The following EBF1 variants were observed in gnomAD, a reference collection of about 807,000 sequenced individuals.
EBF1 encodes the protein transcription factor COE1.
A neutral mutation model predicts 68.4 loss-of-function variants in EBF1; 10 were observed. The ratio of observed to expected loss-of-function variants is 0.15; its 90% CI spans 0.09 to 0.25. EBF1 has a LOEUF of 0.25. Ranked by LOEUF, EBF1 falls within the 10% of genes least tolerant of loss-of-function variation. The pLI is 1.00. For missense variants in EBF1, 509 were observed against 794.4 expected (o/e 0.64, Z 4.32); for synonymous variants, 298 against 299.8 (o/e 0.99, Z 0.06).
chr5:158,881,299 G>A (rs959718313), intron 6 of EBF1, among the ~76,000 whole-genome samples: 1 of 152,188 alleles, frequency 6.6e-6, no homozygotes, highest in Non-Finnish European at 1.5e-5. Flanking sequence ...GACTAAAGTA[G>A]CCTGTTTGTC....
intron 6 of EBF1, among the ~76,000 whole-genome samples, chr5:158,928,981 A>T (rs987501603): frequency 1.3e-5 from 2 of 152,292 alleles, no homozygotes; most frequent in South Asian, 2.1e-4. Flanking sequence ...TCTTTTAAAA[A>T]TTTTTAAATC....
At chr5:158,842,302 G>T (rs192645540) in intron 6 of EBF1, among the ~76,000 whole-genome samples, 1 of 152,328 alleles carries the variant, frequency 6.6e-6, no homozygotes, top group East Asian at 1.9e-4. Flanking sequence ...GGAGCTGACT[G>T]TTGTGATCCT....
intron 6 of EBF1, among the ~76,000 whole-genome samples, chr5:159,001,554 C>A (rs1039617514): frequency 6.6e-6 from 1 of 152,170 alleles, no homozygotes; most frequent in Admixed American, 6.6e-5. Context: ...TATTCCCCCA[C>A]CTCACAAGGC....
intron 6 of EBF1, among the ~76,000 whole-genome samples, chr5:158,964,910 T>C (rs1753807499): frequency 6.6e-6 from 1 of 152,182 alleles, no homozygotes; most frequent in African/African-American, 2.4e-5. Context: ...CATCAAGATG[T>C]GTAAGAATAT....
At chr5:158,772,679 G>A (rs1256763674) in intron 10 of EBF1, among the ~76,000 whole-genome samples, 2 of 152,100 alleles carry the variant, frequency 1.3e-5, no homozygotes, top group Non-Finnish European at 2.9e-5. Flanking sequence ...GCCTATAGTT[G>A]TGTTACTAAA....
chr5:159,013,012 AG>A, intron 6 of EBF1, among the ~76,000 whole-genome samples: 1 of 152,338 alleles, frequency 6.6e-6, no homozygotes. Context: ...CTTTGATCTC[AG>A]ACCTCTGGCC....
chr5:159,015,612 G>C (rs1181610759), intron 6 of EBF1, among the ~76,000 whole-genome samples: 1 of 152,164 alleles, frequency 6.6e-6, no homozygotes, highest in Admixed American at 6.5e-5. Flanking sequence ...TGCCAGGCCA[G>C]ACCTCTGCTC....
At chr5:159,003,521 A>C (rs902314965) in intron 6 of EBF1, among the ~76,000 whole-genome samples, 1 of 152,166 alleles carries the variant, frequency 6.6e-6, no homozygotes, top group African/African-American at 2.4e-5. Context: ...TTGTAATAGA[A>C]GGTGATTATT....
intron 6 of EBF1, among the ~76,000 whole-genome samples, chr5:158,888,266 G>C (rs964770588): frequency 1.3e-5 from 2 of 152,016 alleles, no homozygotes; most frequent in Admixed American, 1.3e-4. Flanking sequence ...GTGTGTGTGT[G>C]TGTGCGTGCG....
chr5:159,031,604 C>G (rs1157178499), intron 6 of EBF1, among the ~76,000 whole-genome samples: 1 of 152,226 alleles, frequency 6.6e-6, no homozygotes, highest in African/African-American at 2.4e-5. Flanking sequence ...GTGGCACAGT[C>G]ACTAGCACAT....
chr5:158,780,082 G>A (rs1246087077), intron 9 of EBF1, among the ~76,000 whole-genome samples: 1 of 152,122 alleles, frequency 6.6e-6, no homozygotes, highest in Non-Finnish European at 1.5e-5. Context: ...GCTTATGGAG[G>A]AAAAACATTT....
chr5:158,976,346 T>C (rs969452294), intron 6 of EBF1, among the ~76,000 whole-genome samples: 1 of 151,620 alleles, frequency 6.6e-6, no homozygotes, highest in African/African-American at 2.4e-5. Context: ...CCTCCTCCCC[T>C]CAACCCCCCT....
intron 6 of EBF1, among the ~76,000 whole-genome samples, chr5:158,843,841 A>G (rs1790830778): frequency 1.3e-5 from 2 of 152,132 alleles, no homozygotes; most frequent in Non-Finnish European, 2.9e-5. Flanking sequence ...TGGCACACGA[A>G]TTTGGGGGAT....
At chr5:158,775,757 C>G (rs1294729487) in intron 10 of EBF1, among the ~76,000 whole-genome samples, 9 of 138,514 alleles carry the variant, frequency 6.5e-5, no homozygotes, top group Non-Finnish European at 1.5e-5. Flanking sequence ...CACACACACA[C>G]ACACACACAC....
chr5:158,989,813 C>A (rs1489040075), intron 6 of EBF1, among the ~76,000 whole-genome samples: 3 of 152,196 alleles, frequency 2.0e-5, no homozygotes, highest in Admixed American at 6.5e-5. Context: ...CTCACTCCTT[C>A]CCTTATTCCA....
chr5:158,748,854 T>C (rs1479815966), intron 10 of EBF1, among the ~76,000 whole-genome samples: 3 of 152,104 alleles, frequency 2.0e-5, no homozygotes, highest in Non-Finnish European at 4.4e-5. Flanking sequence ...AGAGGAGGCT[T>C]GTAAATAGAG....
chr5:158,902,649 G>A (rs1010052612), intron 6 of EBF1, among the ~76,000 whole-genome samples: 3 of 150,246 alleles, frequency 2.0e-5, no homozygotes, highest in Non-Finnish European at 4.4e-5. Context: ...TAGAGACAAG[G>A]TCTCTCTATG....
chr5:158,741,361 G>T (rs1766356177), intron 10 of EBF1, among the ~76,000 whole-genome samples: 1 of 152,102 alleles, frequency 6.6e-6, no homozygotes, highest in Non-Finnish European at 1.5e-5. Flanking sequence ...GATAGCTGCA[G>T]CCCAAGAGTT....
In EBF1 at chr5:159,056,580, T is replaced by A. The variant is rs970021948; in HGVS notation, c.554+16816A>T. ...AATTCCAAATGTGTGACAAACCTCT[T>A]CGGGCTTAGGCAAAACTGTACACAA... On this transcript the variant is annotated intron_variant, in intron 6 of 15. Coordinates refer to ENST00000313708, the MANE Select transcript of EBF1 (RefSeq NM_024007.5). Among the ~76,000 whole-genome samples the A allele has an allele frequency of 8.5e-5, 13 of 152,202 alleles. 1 individual carries two copies. Among genetic ancestry groups the A allele is most frequent in the Admixed American group, 8.5e-4 (13 of 15,280 alleles).
Sources: gnomAD v4.1 joint callset for allele counts (sites outside exome capture counted in the v4.1 genomes callset) on GRCh38, gnomAD v4.1.1 for gene constraint, MANE v1.5 for transcripts, NCBI Gene and HGNC (gene_info 2026-07-23, HGNC 2026-07-21) for gene names.